SOX5: variants seen among roughly 807,000 people sequenced by gnomAD.
SOX5 encodes the protein transcription factor SOX-5.
A neutral mutation model predicts 92.0 loss-of-function variants in SOX5; 9 were observed. The ratio of observed to expected loss-of-function variants is 0.10; its 90% confidence interval spans 0.06 to 0.17. The LOEUF is 0.17. Ranked by LOEUF, SOX5 falls within the 10% of genes least tolerant of loss-of-function variation. SOX5 has a pLI of 1.00. For missense variants in SOX5, 642 were observed against 944.5 expected (o/e 0.68, Z 4.20); for synonymous variants, 344 against 336.3 (o/e 1.02, Z -0.25).
intron 1 of SOX5, among the ~76,000 whole-genome samples, chr12:24,470,754 G>C (rs947471306): frequency 6.6e-6 from 1 of 152,108 alleles, no homozygotes; most frequent in Non-Finnish European, 1.5e-5. Flanking sequence ...TTATTTACCA[G>C]GTGAGTAAAC....
chr12:23,540,095 T>TTA (rs1242851726), intron 13 of SOX5, among the ~76,000 whole-genome samples: 7 of 139,518 alleles, frequency 5.0e-5, no homozygotes, highest in African/African-American at 1.4e-4. Context: ...TAAACAACAA[T>TTA]AAAAAAAAAA....
At chr12:23,776,246 T>C (rs2095095151) in intron 3 of SOX5, among the ~76,000 whole-genome samples, 2 of 152,194 alleles carry the variant, frequency 1.3e-5, no homozygotes, top group Admixed American at 1.3e-4. Flanking sequence ...TTAAATGAAC[T>C]TATATAAAAT....
intron 3 of SOX5, among the ~76,000 whole-genome samples, chr12:24,275,070 G>A (rs768793758): frequency 3.3e-5 from 5 of 152,130 alleles, no homozygotes; most frequent in African/African-American, 4.8e-5. Context: ...AAGGATGGGT[G>A]CTGGGCTGTT....
chr12:23,785,693 C>T (rs1000845150), intron 3 of SOX5, among the ~76,000 whole-genome samples: 2 of 152,082 alleles, frequency 1.3e-5, no homozygotes, highest in African/African-American at 4.8e-5. Context: ...AAAAAATGTT[C>T]GTAAGGCATT....
chr12:23,873,876 C>T (rs571800838), intron 2 of SOX5, among the ~76,000 whole-genome samples: 9 of 152,104 alleles, frequency 5.9e-5, no homozygotes, highest in Non-Finnish European at 1.0e-4. Context: ...TAAATATTTA[C>T]CTTCTTTTCA....
rs530206103 is a variant in SOX5 at position 24,304,740 on chromosome 12, C to T, written c.-173-27428G>A. Among the ~76,000 whole-genome samples, 3 of 152,172 alleles carry T rather than the reference C, an allele frequency of 2.0e-5. No individual in the cohort carries two copies. The South Asian group carries it at 6.2e-4, about 32-fold the overall frequency. Reference sequence around the variant, plus strand: ...CAATTTACTCATCATTAAACCTGTCCTCCTGTCAAGCCTGCTCTCCTCTCA... The same window carrying T: ...CAATTTACTCATCATTAAACCTGTCTTCCTGTCAAGCCTGCTCTCCTCTCA... On this transcript the variant is annotated intron_variant, in intron 2 of 4. Transcript: ENST00000446891.
chr12:23,738,194 A>G (rs1487796171), intron 5 of SOX5, among the ~76,000 whole-genome samples: 1 of 152,244 alleles, frequency 6.6e-6, no homozygotes, highest in African/African-American at 2.4e-5. Context: ...CAGGTCCTTT[A>G]GCTTTTGTAA....
intron 4 of SOX5, among the ~76,000 whole-genome samples, chr12:24,068,210 G>A (rs776208081): frequency 2.0e-5 from 3 of 152,086 alleles, no homozygotes; most frequent in Non-Finnish European, 4.4e-5. Context: ...ATTAAATGAG[G>A]CTTCTGTAAA....
chr12:24,198,895 T>C lies in SOX5; in HGVS notation c.-2+14448A>G, dbSNP rs145240465. 2.0e-3 allele frequency among the ~76,000 whole-genome samples: 306 copies of C among 152,280 alleles called. 2 individuals carry two copies. The highest frequency in any genetic ancestry group is 0.01 in the Middle Eastern group (3 of 294). On this transcript the variant is annotated intron_variant, in intron 4 of 4. Transcript: ENST00000446891. ...TAAAAACCCTTTTATACTTGGGCTC[T>C]GGGCAAAATGAGAACTGATGGCCTG...
At chr12:23,653,243 T>C (rs956986913) in intron 7 of SOX5, among the ~76,000 whole-genome samples, 1 of 152,068 alleles carries the variant, frequency 6.6e-6, no homozygotes. Context: ...CTTAGCTGTT[T>C]ATAGGTCCAT....
intron 1 of SOX5, among the ~76,000 whole-genome samples, chr12:24,512,183 T>G (rs1393148471): frequency 6.6e-6 from 1 of 152,176 alleles, no homozygotes; most frequent in Non-Finnish European, 1.5e-5. Flanking sequence ...TGCCAGAAGT[T>G]CAGAAGCCTG....
intron 2 of SOX5, among the ~76,000 whole-genome samples, chr12:24,278,642 T>C (rs1944785866): frequency 6.6e-6 from 1 of 151,796 alleles, no homozygotes; most frequent in Admixed American, 6.6e-5. Flanking sequence ...GTCCAGGAGG[T>C]TGAGATTGCA....
rs138149140 is a variant in SOX5 at position 24,147,388 on chromosome 12, T to C, written c.-2+65955A>G. Among the ~76,000 whole-genome samples, 5 of 152,274 alleles carry C rather than the reference T, an allele frequency of 3.3e-5. No individual in the cohort carries two copies. In the East Asian group the frequency reaches 9.6e-4, roughly 29 times the overall value. ...CACAAAGTCCAATATCCATTCTTCA[T>C]AAAAATTTTCAGTGTACTAGGTATA... On this transcript the variant is annotated intron_variant, in intron 4 of 4. Coordinates refer to the SOX5 transcript ENST00000446891.
At position 24,112,600 on chromosome 12, in the gene SOX5, G is replaced by A. The variant is rs375832650; in HGVS notation, c.-2+100743C>T. 5.4e-4 allele frequency among the ~76,000 whole-genome samples: 75 copies of A among 137,772 alleles called. No individual in the cohort carries two copies. In the East Asian group the frequency reaches 8.4e-3, roughly 15 times the overall value. 90.4% of individuals were successfully genotyped at this position (137,772 alleles called of 152,430 possible). On this transcript the variant is annotated intron_variant, in intron 4 of 4. Coordinates refer to the SOX5 transcript ENST00000446891. Reference sequence around the variant, plus strand: ...GGCTAGAATGCAGTGGCATAATCACGGCTCACTGCAGACTTGACTTTCTGA... The same window carrying A: ...GGCTAGAATGCAGTGGCATAATCACAGCTCACTGCAGACTTGACTTTCTGA...
At chr12:23,909,833 C>CA (rs1054699936) in intron 1 of SOX5, among the ~76,000 whole-genome samples, 1 of 74,598 alleles carries the variant, frequency 1.3e-5, no homozygotes, top group African/African-American at 4.9e-5. Flanking sequence ...CATGCTAGAA[C>CA]ATTTTTTTTC....
intron 4 of SOX5, among the ~76,000 whole-genome samples, chr12:24,022,575 A>C (rs1447703392): frequency 6.6e-6 from 1 of 152,096 alleles, no homozygotes; most frequent in Non-Finnish European, 1.5e-5. Flanking sequence ...TAGTACTTGA[A>C]AACAGTTCAC....
Position 24,249,540 on chromosome 12 carries a change from C to T in SOX5, c.-77+27676G>A, listed in dbSNP as rs373331398. On this transcript the variant is annotated intron_variant, in intron 3 of 4. Transcript: ENST00000446891. ...CAGCCTGTAATTTTACTCATCATTA[C>T]ATATGGCCTATTGACAGTTGACAAC... Among the ~76,000 whole-genome samples, 31 of 152,300 alleles carry T rather than the reference C, an allele frequency of 2.0e-4. 1 individual carries two copies. In the South Asian group the frequency reaches 5.8e-3, roughly 29 times the overall value.
chr12:23,636,205 T>C (rs1162781268), intron 8 of SOX5, among the ~76,000 whole-genome samples: 3 of 152,204 alleles, frequency 2.0e-5, no homozygotes, highest in Non-Finnish European at 4.4e-5. Flanking sequence ...ACATGCTAAT[T>C]TGTATTATTT....
intron 3 of SOX5, among the ~76,000 whole-genome samples, chr12:24,263,368 A>C (rs1209920247): frequency 6.6e-6 from 1 of 151,640 alleles, no homozygotes; most frequent in East Asian, 1.9e-4. Flanking sequence ...TCTACTAAAA[A>C]CACAAAAAAA....
Sources: allele counts gnomAD v4.1 joint callset (sites outside exome capture counted in the v4.1 genomes callset), GRCh38; gene constraint gnomAD v4.1.1; transcripts MANE v1.5; gene names NCBI Gene and HGNC (gene_info 2026-07-23, HGNC 2026-07-21).